The following ERICH6B variants were observed in gnomAD, a reference collection of about 807,000 sequenced individuals.
ERICH6B encodes glutamate rich 6B.
In ERICH6B, 69 loss-of-function variants were observed where a neutral mutation model predicts 80.0. The ratio of observed to expected loss-of-function variants is 0.86; its 90% CI spans 0.71 to 1.05. ERICH6B has a LOEUF of 1.05. Ranked by LOEUF, ERICH6B falls within the 50% of genes least tolerant of loss-of-function variation. The probability of loss-of-function intolerance (pLI) is 0.00; values close to 1 mark genes in which losing one functional copy is unlikely to be tolerated. For synonymous variants in ERICH6B, 283 were observed against 291.9 expected, an observed-to-expected ratio of 0.97 and a Z score of 0.31; for missense variants, 754 against 796.1, an observed-to-expected ratio of 0.95 and a Z score of 0.64.
chr13:45,546,879 A>G lies in ERICH6B; in HGVS notation c.1647-1894T>C, dbSNP rs534268138. On this transcript the variant is annotated intron_variant, in intron 13 of 14. Coordinates refer to ENST00000298738, the MANE Select transcript of ERICH6B (RefSeq NM_182542.3). The stretch of plus-strand genomic sequence containing the variant: ...AGGACTTCCAGTCACTCAATCCCAA[A>G]TCCTCCTCTTGCTTCCCACTTTCCA... 3.3e-5 allele frequency among the ~76,000 whole-genome samples: 5 copies of G among 152,238 alleles called. No homozygotes were observed. The East Asian group carries it at 9.7e-4, about 29-fold the overall frequency.
chr13:45,556,649 T>C (rs1027756943), intron 11 of ERICH6B, among the ~76,000 whole-genome samples: 7 of 152,322 alleles, frequency 4.6e-5, no homozygotes, highest in East Asian at 1.9e-4. Flanking sequence ...GAACGTATGA[T>C]GCTTGGTTTT....
At chr13:45,554,882 T>A (rs1874372199) in intron 11 of ERICH6B, among the ~76,000 whole-genome samples, 1 of 152,210 alleles carries the variant, frequency 6.6e-6, no homozygotes, top group Non-Finnish European at 1.5e-5. Context: ...ACAGAAGGTG[T>A]GCACTCAGCA....
At chr13:45,562,551 C>T (rs1316996919) in intron 10 of ERICH6B, among the ~76,000 whole-genome samples, 1 of 152,104 alleles carries the variant, frequency 6.6e-6, no homozygotes, top group African/African-American at 2.4e-5. Flanking sequence ...TGGTATCAGC[C>T]AACATGCTCT....
chr13:45,600,047 T>C (rs1205952113), intron 2 of ERICH6B, among the ~76,000 whole-genome samples: 2 of 152,224 alleles, frequency 1.3e-5, no homozygotes, highest in Non-Finnish European at 2.9e-5. Context: ...TGGAGGACAC[T>C]GTCTTTGGGG....
At chr13:45,588,238 G>A (rs1357249066) in intron 4 of ERICH6B, among the ~76,000 whole-genome samples, 1 of 152,162 alleles carries the variant, frequency 6.6e-6, no homozygotes, top group Non-Finnish European at 1.5e-5. Context: ...GGGTGCCCTG[G>A]GAAGTCTCCC....
chr13:45,597,135 G>T, intron 2 of ERICH6B, 72 bp from the exon 3 acceptor site: 1 of 1,102,826 alleles, frequency 9.1e-7, no homozygotes, highest in Non-Finnish European at 1.3e-6. Context: ...TTCCATTTTT[G>T]TTCACTTATT....
At chr13:45,599,156 GGAAATAAT>G (rs1949809305) in intron 2 of ERICH6B, among the ~76,000 whole-genome samples, 1 of 152,162 alleles carries the variant, frequency 6.6e-6, no homozygotes, top group African/African-American at 2.4e-5. Flanking sequence ...TGTAAATCTG[GGAAATAAT>G]TGACTGAAAG....
chr13:45,594,048 G>T (rs568068645), intron 3 of ERICH6B, among the ~76,000 whole-genome samples: 87 of 152,326 alleles, frequency 5.7e-4, no homozygotes, highest in Middle Eastern at 3.4e-3. Flanking sequence ...GGTGAGGAAG[G>T]CACTCTTGTT....
Position 45,583,893 on chromosome 13 carries a change from A to G in ERICH6B, c.856+3170T>C, listed in dbSNP as rs554100901. On this transcript the variant is annotated intron_variant, in intron 5 of 14. Coordinates refer to ENST00000298738, the MANE Select transcript of ERICH6B (RefSeq NM_182542.3). ...TCTCAGGTATGTCTTTATCAGCAGC[A>G]TGAAAACAGACTAATACACCATCTG... Among the ~76,000 whole-genome samples the G allele has an allele frequency of 5.2e-4, 79 of 152,304 alleles. 1 individual carries two copies. Among genetic ancestry groups the G allele is most frequent in the African/African-American group, 1.9e-3 (77 of 41,570 alleles).
At chr13:45,588,401 A>G (rs1343406846) in intron 4 of ERICH6B, among the ~76,000 whole-genome samples, 1 of 152,168 alleles carries the variant, frequency 6.6e-6, no homozygotes, top group Non-Finnish European at 1.5e-5. Flanking sequence ...AAGTGGCCAG[A>G]TGTTTGGATC....
At chr13:45,579,763 C>A (rs1875576589) in intron 7 of ERICH6B, among the ~76,000 whole-genome samples, 170 bp downstream of exon 7, 2 of 152,126 alleles carry the variant, frequency 1.3e-5, no homozygotes, top group African/African-American at 4.8e-5. Context: ...CTCGTTTTAG[C>A]CTCCTTCTTG....
chr13:45,615,714 C>CG lies in ERICH6B; in HGVS notation c.-141dup, dbSNP rs1485423863. On this transcript the variant is annotated 5_prime_UTR_variant, in exon 1 of 15. Coordinates refer to ENST00000298738, the MANE Select transcript of ERICH6B (RefSeq NM_182542.3). ...GCCAGGCTCCCGCGCGTGCATCCAC[C>CG]GCGATCTCAGGCCCCGGCGTTTGTG... 6.6e-6 allele frequency: 1 copy of CG among 152,258 alleles called. No homozygotes were observed. The highest frequency in any genetic ancestry group is 1.5e-5 in the Non-Finnish European group (1 of 68,140). The allele number at this position is 152,258 out of a possible 1,614,324, so 9.4% of individuals were successfully genotyped here. A position where few individuals can be genotyped will look rare whatever the true frequency, so the allele number is the denominator to read the frequency against.
intron 8 of ERICH6B, 134 bp from the exon 9 acceptor site, chr13:45,568,585 G>C: frequency 1.1e-6 from 1 of 870,236 alleles, no homozygotes; most frequent in Non-Finnish European, 1.7e-6. Flanking sequence ...ATGGGAACCA[G>C]GGGCAGGGGG....
At chr13:45,577,798 G>A (rs1421110472) in intron 7 of ERICH6B, among the ~76,000 whole-genome samples, 1 of 152,032 alleles carries the variant, frequency 6.6e-6, no homozygotes, top group Non-Finnish European at 1.5e-5. Flanking sequence ...TTGCTGTGTT[G>A]CCCAGGCTAG....
chr13:45,561,318 C>A (rs990891848), intron 11 of ERICH6B, 51 bp downstream of exon 11: 14 of 1,528,488 alleles, frequency 9.2e-6, no homozygotes, highest in Non-Finnish European at 1.1e-5. Flanking sequence ...TCACCAGAGC[C>A]AAAAAAAATC....
intron 11 of ERICH6B, among the ~76,000 whole-genome samples, chr13:45,552,162 A>C (rs1874248475): frequency 6.6e-6 from 1 of 152,234 alleles, no homozygotes; most frequent in Admixed American, 6.5e-5. Context: ...ATTCTTGATT[A>C]AAATGCACTG....
intron 9 of ERICH6B, 94 bp downstream of exon 9, chr13:45,568,221 T>C: frequency 4.4e-6 from 6 of 1,368,580 alleles, no homozygotes; most frequent in Non-Finnish European, 5.8e-6. Flanking sequence ...TGACTTGCTC[T>C]TTTTTGTTGA....
chr13:45,542,066 C>T (rs1231868790), intron 14 of ERICH6B, among the ~76,000 whole-genome samples: 2 of 152,120 alleles, frequency 1.3e-5, no homozygotes, highest in Non-Finnish European at 2.9e-5. Flanking sequence ...AGTGGCTACC[C>T]GTGAGCCCCG....
At chr13:45,614,441 C>T (rs1014213693) in intron 1 of ERICH6B, among the ~76,000 whole-genome samples, 2 of 152,140 alleles carry the variant, frequency 1.3e-5, no homozygotes, top group Non-Finnish European at 2.9e-5. Flanking sequence ...GGATGTGGAT[C>T]GAATGGATGA....
Sources: allele counts gnomAD v4.1 joint callset (sites outside exome capture counted in the v4.1 genomes callset), GRCh38; gene constraint gnomAD v4.1.1; transcripts MANE v1.5; gene names NCBI Gene and HGNC (gene_info 2026-07-23, HGNC 2026-07-21).